The following S100PBP variants were observed in gnomAD, a reference collection of about 807,000 sequenced individuals.
S100PBP encodes S100P-binding protein.
Under a neutral mutation model 39.9 loss-of-function variants are expected in S100PBP, and 15 were observed. That is an observed-to-expected ratio of 0.38 (90% CI 0.25 to 0.58). The LOEUF (loss-of-function observed/expected upper bound fraction) is 0.58, where lower values mean the gene tolerates loss of function less well. Among genes scored for constraint, S100PBP ranks in the 20% least tolerant of loss-of-function variants. The probability of loss-of-function intolerance (pLI) is 0.70; values close to 1 mark genes in which losing one functional copy is unlikely to be tolerated. For missense variants in S100PBP, 504 were observed against 487.3 expected, an observed-to-expected ratio of 1.03 and a Z score of -0.32; for synonymous variants, 178 against 180.3, an observed-to-expected ratio of 0.99 and a Z score of 0.10.
At chr1:32,828,128 C>A in intron 4 of S100PBP, 47 bp downstream of exon 4, 1 of 1,335,678 alleles carries the variant, frequency 7.5e-7, no homozygotes, top group Non-Finnish European at 1.1e-6. Context: ...TGGTTCTCTT[C>A]AATTTCTTTC....
chr1:32,820,836 C>T (rs1312919593), intron 1 of S100PBP, among the ~76,000 whole-genome samples: 1 of 151,942 alleles, frequency 6.6e-6, no homozygotes. Context: ...GACTATGTCT[C>T]TACAAAAAAT....
intron 5 of S100PBP, among the ~76,000 whole-genome samples, chr1:32,840,377 G>A (rs1640029941): frequency 6.6e-6 from 1 of 151,464 alleles, no homozygotes; most frequent in Non-Finnish European, 1.5e-5. Flanking sequence ...TTATTTTGAG[G>A]CAGAGTCTTG....
chr1:32,844,704 G>A (rs1169892633), intron 5 of S100PBP, among the ~76,000 whole-genome samples: 2 of 151,888 alleles, frequency 1.3e-5, no homozygotes, highest in African/African-American at 4.8e-5. Flanking sequence ...TTATGAGCAT[G>A]AGCCACCATG....
intron 5 of S100PBP, among the ~76,000 whole-genome samples, chr1:32,831,767 T>C (rs1639610702): frequency 6.6e-6 from 1 of 152,174 alleles, no homozygotes; most frequent in South Asian, 2.1e-4. Flanking sequence ...TCAAGCTCTG[T>C]GGAACAGGCC....
At chr1:32,827,387 G>A (rs540649999) in intron 3 of S100PBP, among the ~76,000 whole-genome samples, 1 of 152,222 alleles carries the variant, frequency 6.6e-6, no homozygotes, top group South Asian at 2.1e-4. Context: ...CTCTGAATCA[G>A]CCATGAAAGA....
intron 5 of S100PBP, among the ~76,000 whole-genome samples, chr1:32,844,924 G>A (rs1411035761): frequency 6.6e-6 from 1 of 151,646 alleles, no homozygotes; most frequent in Non-Finnish European, 1.5e-5. Context: ...TGCCTCCCGG[G>A]TTCACGCCAT....
intron 5 of S100PBP, chr1:32,836,569 T>G: frequency 1.0e-6 from 1 of 983,672 alleles, no homozygotes; most frequent in Non-Finnish European, 1.2e-6. Context: ...ATTTTCTTTC[T>G]TGAATTGTTT....
intron 1 of S100PBP, among the ~76,000 whole-genome samples, chr1:32,820,852 T>A (rs1639024900): frequency 6.6e-6 from 1 of 151,926 alleles, no homozygotes; most frequent in Non-Finnish European, 1.5e-5. Flanking sequence ...AAAATAAAAA[T>A]AAAAAATTAG....
intron 1 of S100PBP, among the ~76,000 whole-genome samples, chr1:32,819,358 A>C (rs1209640585): frequency 6.6e-6 from 1 of 152,234 alleles, no homozygotes; most frequent in East Asian, 1.9e-4. Flanking sequence ...GCTTGAGGCC[A>C]GGAGTTCAAG....
Position 32,826,503 on chromosome 1 carries a change from G to A in S100PBP, c.404G>A (p.Arg135Lys). The A allele has an allele frequency of 6.2e-7, 1 of 1,614,088 alleles. No homozygotes were observed. The highest frequency in any genetic ancestry group is 8.5e-7 in the Non-Finnish European group (1 of 1,180,016). Residue 135 changes from arginine to lysine, a missense_variant, in exon 3 of 7, where the codon AGA (arginine) becomes AAA (lysine). Physicochemically the swap from Arg to Lys is conservative, Grantham distance 26. Coordinates refer to ENST00000373475, the MANE Select transcript of S100PBP (RefSeq NM_022753.4). ...CCAGCTCATACTAAACCATTAAACA[G>A]ACGCTCTGTACTAGAAAAGAATCTT... ...HGPAHTKPLN[R>K]RSVLEKNLIK... is the part of the protein sequence containing the mutation.
chr1:32,834,031 T>A, intron 5 of S100PBP: 1 of 334,790 alleles, frequency 3.0e-6, no homozygotes, highest in South Asian at 2.7e-5. Flanking sequence ...CTTATTTCTA[T>A]AGGATGAATC....
chr1:32,821,611 C>T (rs901274411), intron 1 of S100PBP, among the ~76,000 whole-genome samples: 56 of 149,770 alleles, frequency 3.7e-4, no homozygotes, highest in Non-Finnish European at 1.3e-4. Context: ...TGAGCCACTG[C>T]GCCTGGCCTG....
intron 5 of S100PBP, among the ~76,000 whole-genome samples, chr1:32,831,477 CT>C (rs1639596295): frequency 6.6e-6 from 1 of 151,922 alleles, no homozygotes; most frequent in Non-Finnish European, 1.5e-5. Flanking sequence ...GGAGACTCTT[CT>C]TTCTTTTGAC....
At chr1:32,823,936 C>A (rs548127218) in intron 1 of S100PBP, among the ~76,000 whole-genome samples, 2 of 152,296 alleles carry the variant, frequency 1.3e-5, no homozygotes, top group African/African-American at 4.8e-5. Context: ...CAGTGGCTCA[C>A]GCCTATAATC....
intron 5 of S100PBP, among the ~76,000 whole-genome samples, chr1:32,841,729 CAAAAAAAAAAAA>C (rs56267418): frequency 1.8e-5 from 1 of 55,168 alleles, no homozygotes; most frequent in African/African-American, 6.2e-5. Context: ...AACTCTGTCT[CAAAAAAAAAAAA>C]AAAAAAAAAA....
intron 5 of S100PBP, among the ~76,000 whole-genome samples, chr1:32,850,898 A>G (rs1396710102): frequency 1.3e-5 from 2 of 152,222 alleles, no homozygotes; most frequent in African/African-American, 4.8e-5. Context: ...ATTTCACAGG[A>G]TTTGCAGAGT....
Position 32,856,282 on chromosome 1 carries a change from T to G in S100PBP, c.*244T>G, listed in dbSNP as rs1640816568. The G allele has an allele frequency of 4.4e-6, 1 of 228,208 alleles. No homozygotes were observed. 14.1% of individuals were successfully genotyped at this position (228,208 alleles called of 1,614,324 possible). ...GCAAGCGTTCGGTTGGTATAGTTTT[T>G]TTTTGTTTTTTTAATTTAAATTGAA... On this transcript the variant is annotated 3_prime_UTR_variant, in exon 7 of 7. Transcript: ENST00000373475.
At chr1:32,836,036 T>C (rs934178843) in intron 5 of S100PBP, 2 of 152,144 alleles carry the variant, frequency 1.3e-5, no homozygotes, top group Non-Finnish European at 2.9e-5. Context: ...AGGAACTTCA[T>C]ACTGTTTTTC....
At chr1:32,850,696 G>A (rs573062759) in intron 5 of S100PBP, among the ~76,000 whole-genome samples, 1 of 152,230 alleles carries the variant, frequency 6.6e-6, no homozygotes, top group East Asian at 1.9e-4. Context: ...CTTTTGCCAA[G>A]TATGTTTCAA....
Sources: allele counts gnomAD v4.1 joint callset (sites outside exome capture counted in the v4.1 genomes callset), GRCh38; gene constraint gnomAD v4.1.1; transcripts MANE v1.5; gene names NCBI Gene and HGNC (gene_info 2026-07-23, HGNC 2026-07-21).